CCDC62: variants seen among roughly 807,000 people sequenced by gnomAD.
CCDC62 encodes coiled-coil domain-containing protein 62.
In CCDC62, 72 loss-of-function variants were observed where a neutral mutation model predicts 80.8. That is an observed-to-expected ratio of 0.89 (90% CI 0.74 to 1.08). The LOEUF is 1.08. Ranked by LOEUF, CCDC62 falls within the 50% of genes least tolerant of loss-of-function variation. The pLI is 0.00. For missense variants in CCDC62, 704 were observed against 809.4 expected (o/e 0.87, Z 1.58); for synonymous variants, 286 against 296.5 (o/e 0.96, Z 0.36).
intron 1 of CCDC62, among the ~76,000 whole-genome samples, chr12:122,776,338 C>G (rs1408961559): frequency 6.6e-6 from 1 of 152,108 alleles, no homozygotes; most frequent in Non-Finnish European, 1.5e-5. Context: ...ATGCTGTATA[C>G]TTCAAAGAAA....
chr12:122,799,924 C>T (rs1456932617), intron 8 of CCDC62, among the ~76,000 whole-genome samples: 3 of 151,990 alleles, frequency 2.0e-5, no homozygotes, highest in Non-Finnish European at 2.9e-5. Context: ...TAGCTGCTGC[C>T]GCTGCCACCA....
chr12:122,791,494 G>A (rs1203832668), intron 5 of CCDC62, among the ~76,000 whole-genome samples: 3 of 151,754 alleles, frequency 2.0e-5, no homozygotes, highest in African/African-American at 7.3e-5. Context: ...CTGTTGTCCA[G>A]GTTGAGTGCA....
At chr12:122,793,017 A>G (rs992478264) in intron 6 of CCDC62, among the ~76,000 whole-genome samples, 1 of 151,970 alleles carries the variant, frequency 6.6e-6, no homozygotes, top group Admixed American at 6.6e-5. Context: ...ATTCTGATAA[A>G]CCCCTCGCAA....
At chr12:122,814,926 G>A (rs960931354) in intron 11 of CCDC62, among the ~76,000 whole-genome samples, 2 of 151,640 alleles carry the variant, frequency 1.3e-5, no homozygotes, top group African/African-American at 4.9e-5. Context: ...CAAATTCCTG[G>A]GCTCAAGCAA....
intron 7 of CCDC62, 23 bp from the exon 8 acceptor site, chr12:122,798,062 T>A: frequency 8.6e-7 from 1 of 1,156,624 alleles, no homozygotes; most frequent in Middle Eastern, 2.0e-4. Context: ...CATTTCATGT[T>A]GATTTGTCAA....
At chr12:122,779,001 C>T (rs750882507) in intron 2 of CCDC62, among the ~76,000 whole-genome samples, 8 of 152,176 alleles carry the variant, frequency 5.3e-5, no homozygotes, top group Non-Finnish European at 1.0e-4. Context: ...AATGGTTGCT[C>T]ATTAAATGCA....
At chr12:122,821,338 G>C (rs1255420812) in intron 11 of CCDC62, among the ~76,000 whole-genome samples, 1 of 152,184 alleles carries the variant, frequency 6.6e-6, no homozygotes, top group African/African-American at 2.4e-5. Context: ...TTCCAGATTA[G>C]AGACAAAGGG....
At chr12:122,787,241 A>G (rs1212448961) in intron 4 of CCDC62, among the ~76,000 whole-genome samples, 1 of 152,048 alleles carries the variant, frequency 6.6e-6, no homozygotes, top group East Asian at 1.9e-4. Context: ...TGAGGTCAGG[A>G]GTTTGAGACT....
chr12:122,818,704 C>T lies in CCDC62; in HGVS notation c.2002-4662C>T, dbSNP rs188371527. 5.8e-4 allele frequency among the ~76,000 whole-genome samples: 88 copies of T among 152,220 alleles called. 1 individual carries two copies. The highest frequency in any genetic ancestry group is 5.8e-3 in the Admixed American group (88 of 15,264). On this transcript the variant is annotated intron_variant, in intron 11 of 12. Transcript: ENST00000253079. The stretch of plus-strand genomic sequence containing the variant: ...TTGGGAGGACCACACAGGAGGATTG[C>T]TTGAGCCTGGGAGTTCGAGACCAGC...
At chr12:122,798,633 T>A (rs1452423137) in intron 8 of CCDC62, among the ~76,000 whole-genome samples, 1 of 151,338 alleles carries the variant, frequency 6.6e-6, no homozygotes, top group East Asian at 1.9e-4. Context: ...ATATAAAAAT[T>A]AGCTGGGCGT....
chr12:122,801,100 A>G (rs747866596), intron 8 of CCDC62, 24 bp from the exon 9 acceptor site: 1 of 1,582,560 alleles, frequency 6.3e-7, no homozygotes, highest in East Asian at 2.2e-5. Flanking sequence ...TATAACCTCC[A>G]TTTTTTTTCT....
chr12:122,786,019 T>A (rs1054118185), intron 4 of CCDC62, among the ~76,000 whole-genome samples, 199 bp downstream of exon 4: 4 of 152,368 alleles, frequency 2.6e-5, no homozygotes, highest in Admixed American at 2.6e-4. Flanking sequence ...GGCAGGACTC[T>A]GCTTCTGGTC....
chr12:122,784,364 T>C (rs1299421985), intron 3 of CCDC62, among the ~76,000 whole-genome samples: 1 of 151,602 alleles, frequency 6.6e-6, no homozygotes, highest in Non-Finnish European at 1.5e-5. Context: ...CTACTAAAAA[T>C]ACAAAAATCA....
chr12:122,812,811 GAAAGAAAGAAAGAA>G (rs1468856797), intron 10 of CCDC62, among the ~76,000 whole-genome samples: 2 of 148,992 alleles, frequency 1.3e-5, no homozygotes, highest in Non-Finnish European at 3.0e-5. Flanking sequence ...AAGAAAGAAA[GAAAGAAAGAAAGAA>G]AGAAAAGGAA....
intron 6 of CCDC62, among the ~76,000 whole-genome samples, chr12:122,794,601 T>C (rs926006338): frequency 6.6e-6 from 1 of 152,248 alleles, no homozygotes; most frequent in Non-Finnish European, 1.5e-5. Flanking sequence ...TTTCAAAATA[T>C]AGACAATTGA....
chr12:122,811,096 C>T (rs1161350207), intron 10 of CCDC62, among the ~76,000 whole-genome samples: 2 of 151,402 alleles, frequency 1.3e-5, no homozygotes, highest in Non-Finnish European at 2.9e-5. Context: ...GTGCAGCACA[C>T]CAACATGGCA....
At chr12:122,816,343 G>A (rs2032162749) in intron 11 of CCDC62, among the ~76,000 whole-genome samples, 1 of 152,180 alleles carries the variant, frequency 6.6e-6, no homozygotes, top group Non-Finnish European at 1.5e-5. Context: ...TGTATGCAGT[G>A]AGGCTGCTTC....
intron 11 of CCDC62, among the ~76,000 whole-genome samples, chr12:122,823,115 G>A (rs551388230): frequency 6.6e-6 from 1 of 152,104 alleles, no homozygotes; most frequent in Non-Finnish European, 1.5e-5. Context: ...CGGGCGCCAC[G>A]ATGTCCAGCT....
At chr12:122,793,470 C>T (rs1158772736) in intron 6 of CCDC62, among the ~76,000 whole-genome samples, 1 of 151,984 alleles carries the variant, frequency 6.6e-6, no homozygotes, top group African/African-American at 2.4e-5. Context: ...CCAGTGGAAA[C>T]TCTGAGATAC....
Sources: allele counts gnomAD v4.1 joint callset (sites outside exome capture counted in the v4.1 genomes callset), GRCh38; gene constraint gnomAD v4.1.1; transcripts MANE v1.5; gene names NCBI Gene and HGNC (gene_info 2026-07-23, HGNC 2026-07-21).